PRDX3: variants seen among roughly 807,000 people sequenced by gnomAD.
PRDX3 encodes the protein peroxiredoxin 3.
Under a neutral mutation model 30.4 loss-of-function variants are expected in PRDX3, and 20 were observed. The observed-to-expected ratio is 0.66, with a 90% CI of 0.46 to 0.96. PRDX3 has a LOEUF of 0.96. Ranked by LOEUF, PRDX3 falls within the 40% of genes least tolerant of loss-of-function variation. The pLI is 0.00. For synonymous variants in PRDX3, 124 were observed against 117.8 expected (o/e 1.05, Z -0.34); for missense variants, 322 against 318.3 (o/e 1.01, Z -0.09).
intron 4 of PRDX3, among the ~76,000 whole-genome samples, chr10:119,172,894 T>C (rs1398332841): frequency 1.3e-5 from 2 of 152,156 alleles, no homozygotes; most frequent in Non-Finnish European, 2.9e-5. Context: ...GTCTCCTGAG[T>C]AGCTGGGACT....
chr10:119,169,374 A>C lies in PRDX3; in HGVS notation c.552-32T>G. On this transcript the variant is annotated intron_variant, in intron 5 of 6. Transcript: ENST00000298510. ...GATCATTTATCCTCATCAGTGCCTC[A>C]ACAGTACCAGAACTAGAACAGTCTA... 1.9e-6 allele frequency: 3 copies of C among 1,592,714 alleles called. No homozygotes were observed. In the South Asian group the frequency reaches 3.3e-5, roughly 18 times the overall value.
rs1218530366 is a variant in PRDX3 at position 119,168,684 on chromosome 10, TGCCTGTCTCTAG to T, written c.718-163_718-152del. On this transcript the variant is annotated intron_variant, in intron 6 of 6. Coordinates refer to ENST00000298510, the MANE Select transcript of PRDX3 (RefSeq NM_006793.5). ...TAAAGATGAAAGTTTCATTAAGGCCTGCCTGTCTCTAGGCCGGGCACGGTGGCTCACGCCGGT... is the reference window on the plus strand; with the variant it reads ...TAAAGATGAAAGTTTCATTAAGGCCTGCCGGGCACGGTGGCTCACGCCGGT... 1.0e-5 allele frequency: 15 copies of T among 1,439,870 alleles called. No individual in the cohort carries two copies. The Admixed American group carries it at 4.0e-4, about 39-fold the overall frequency. The allele number at this position is 1,439,870 out of a possible 1,614,324, so 89.2% of individuals were successfully genotyped here. A position where few individuals can be genotyped will look rare whatever the true frequency, so the allele number is the denominator to read the frequency against.
chr10:119,177,433 G>A (rs968721194), intron 1 of PRDX3, among the ~76,000 whole-genome samples: 2 of 152,104 alleles, frequency 1.3e-5, no homozygotes, highest in East Asian at 3.9e-4. Flanking sequence ...GCCAAGACGG[G>A]TTGATCACCA....
In PRDX3 at chr10:119,174,603, AC is replaced by A; in HGVS notation, c.170-12del. On this transcript the variant is annotated splice_polypyrimidine_tract_variant and intron_variant, in intron 2 of 6. Transcript: ENST00000298510. The stretch of plus-strand genomic sequence containing the variant: ...CATGGCATGAGGAACCTGAAAAAAA[AC>A]CCACACTCATATGGAGTTCATCATT... The A allele has an allele frequency of 6.3e-7, 1 of 1,578,214 alleles. No homozygotes were observed. The highest frequency in any genetic ancestry group is 8.6e-7 in the Non-Finnish European group (1 of 1,168,742).
In PRDX3 at chr10:119,167,896, G is replaced by C. The variant is rs1217282367; in HGVS notation, c.*584C>G. ...AGCTAATGAATAAAATAAGTAAAAT[G>C]ACTACATAAACTCAATTTCAGGGAT... On this transcript the variant is annotated 3_prime_UTR_variant, in exon 7 of 7. Transcript: ENST00000298510. 2.6e-5 allele frequency: 4 copies of C among 152,100 alleles called. No individual in the cohort carries two copies. Among genetic ancestry groups the C allele is most frequent in the East Asian group, 1.9e-4 (1 of 5,188 alleles). 9.4% of individuals were successfully genotyped at this position (152,100 alleles called of 1,614,324 possible).
chr10:119,178,641 C>T, intron 1 of PRDX3, 114 bp downstream of exon 1: 1 of 1,327,100 alleles, frequency 7.5e-7, no homozygotes, highest in Non-Finnish European at 1.1e-6. Context: ...CCCGCGGAAA[C>T]CCTCCAAGAA....
In PRDX3 at chr10:119,172,450, C is replaced by T. The variant is rs1270755277; in HGVS notation, c.483G>A (p.Leu161=). The T allele has an allele frequency of 1.2e-6, 2 of 1,614,176 alleles. No homozygotes were observed. The highest frequency in any genetic ancestry group is 1.7e-6 in the Non-Finnish European group (2 of 1,180,006). ...GGLGHMNIAL[L]SDLTKQISRD... is the part of the protein sequence containing the mutation. Reference sequence around the variant, plus strand: ...GGGAAATCTGCTTAGTTAAGTCTGACAAGAGTGCGATGTTCATGTGGCCCA... The same window carrying T: ...GGGAAATCTGCTTAGTTAAGTCTGATAAGAGTGCGATGTTCATGTGGCCCA... Residue 161 remains leucine, a synonymous_variant, in exon 5 of 7, where the codon TTG becomes TTA. Transcript: ENST00000298510.
chr10:119,178,755 C>G lies in PRDX3; in HGVS notation c.36G>C (p.Ser12=). The G allele has an allele frequency of 6.4e-7, 1 of 1,552,142 alleles. No homozygotes were observed. The highest frequency in any genetic ancestry group is 8.7e-7 in the Non-Finnish European group (1 of 1,147,766). ...AAAVGRLLRA[S]VARHVSAIPW... ...CTGTCCCCAGCCGACAGCCACTCAC[C>G]GACGCTCGGAGCAACCGTCCTACAG... The change falls in exon 1 of 7, where the codon TCG becomes TCC. Residue 12 remains serine, a splice_region_variant and synonymous_variant. Coordinates refer to ENST00000298510, the MANE Select transcript of PRDX3 (RefSeq NM_006793.5).
At chr10:119,170,258 A>T (rs1847873003) in intron 5 of PRDX3, 1 of 152,244 alleles carries the variant, frequency 6.6e-6, no homozygotes, top group Non-Finnish European at 1.5e-5. Flanking sequence ...CTCAGGATAA[A>T]AGATGCTTCT....
intron 4 of PRDX3, 81 bp downstream of exon 4, chr10:119,173,656 G>A: frequency 7.0e-7 from 1 of 1,432,088 alleles, no homozygotes; most frequent in Non-Finnish European, 9.5e-7. Context: ...ATTTGATCTT[G>A]ATAGTCCAGC....
intron 3 of PRDX3, 126 bp from the exon 4 acceptor site, chr10:119,173,998 G>A: frequency 2.3e-6 from 2 of 888,248 alleles, no homozygotes; most frequent in Non-Finnish European, 3.3e-6. Context: ...ATCCTCACTG[G>A]ACTATAGTGT....
chr10:119,173,759 G>A lies in PRDX3; in HGVS notation c.425C>T (p.Ala142Val). The change falls in exon 4 of 7, where the codon GCC becomes GTC. Residue 142 changes from alanine to valine, a missense_variant. Coordinates refer to ENST00000298510, the MANE Select transcript of PRDX3 (RefSeq NM_006793.5). ...VSVDSHFSHL[A>V]WINTPRKNGG... ...TACCTTTCTTGGTGTATTTATCCAG[G>A]CAAGATGGCTAAAGTGGGAATCCAC... The A allele has an allele frequency of 1.2e-6, 2 of 1,612,110 alleles. No individual in the cohort carries two copies. The highest frequency in any genetic ancestry group is 2.2e-5 in the East Asian group (1 of 44,870).
Position 119,178,652 on chromosome 10 carries a change from G to A in PRDX3, c.36+103C>T, listed in dbSNP as rs35196296. The A allele has an allele frequency of 2.3e-3, 3,257 of 1,391,512 alleles. 66 individuals carry two copies. The African/African-American group carries it at 0.041, about 17-fold the overall frequency. The allele number at this position is 1,391,512 out of a possible 1,614,324, so 86.2% of individuals were successfully genotyped here. On this transcript the variant is annotated intron_variant, in intron 1 of 6. Transcript: ENST00000298510. Reference sequence around the variant, plus strand: ...GTTACCCGCGGAAACCCTCCAAGAAGGGCGAATGGCCCTCATGCCCAGAAG... The same window carrying A: ...GTTACCCGCGGAAACCCTCCAAGAAAGGCGAATGGCCCTCATGCCCAGAAG...
chr10:119,172,337 TA>T lies in PRDX3; in HGVS notation c.551+44del, dbSNP rs35455129. 462 of 1,481,346 alleles carry T rather than the reference TA, an allele frequency of 3.1e-4. 3 individuals carry two copies. In the East Asian group the frequency reaches 0.01, roughly 33 times the overall value. The allele number at this position is 1,481,346 out of a possible 1,614,324, so 91.8% of individuals were successfully genotyped here. On this transcript the variant is annotated intron_variant, in intron 5 of 6. Coordinates refer to ENST00000298510, the MANE Select transcript of PRDX3 (RefSeq NM_006793.5). ...AATCCCCTAAGAAGCAGAATGATAC[TA>T]AACATGAAAAATAATCTTAAGTTCA...
At chr10:119,175,831 T>C (rs1259345916) in intron 2 of PRDX3, among the ~76,000 whole-genome samples, 1 of 147,896 alleles carries the variant, frequency 6.8e-6, no homozygotes, top group Admixed American at 6.8e-5. Context: ...TAGGCTGGAG[T>C]GTAGTGGCAT....
At chr10:119,176,557 C>G (rs1034657374) in intron 2 of PRDX3, among the ~76,000 whole-genome samples, 2 of 152,168 alleles carry the variant, frequency 1.3e-5, no homozygotes, top group African/African-American at 4.8e-5. Flanking sequence ...CAAGAAACAG[C>G]TAAATTTCGC....
In PRDX3 at chr10:119,174,448, T is replaced by G. The variant is rs2133660361; in HGVS notation, c.311+3A>C. 1.3e-6 allele frequency: 2 copies of G among 1,593,356 alleles called. No homozygotes were observed. Among genetic ancestry groups the G allele is most frequent in the Non-Finnish European group, 1.7e-6 (2 of 1,174,456 alleles). On this transcript the variant is annotated splice_donor_region_variant and intron_variant, in intron 3 of 6. Coordinates refer to ENST00000298510, the MANE Select transcript of PRDX3 (RefSeq NM_006793.5). ...ACGAAAGCATCATAGAAATTACACT[T>G]ACAAATCCAAAGGATAGAAGAAAAG...
chr10:119,170,905 GAAA>G, intron 5 of PRDX3: 1 of 103,244 alleles, frequency 9.7e-6, no homozygotes, highest in Non-Finnish European at 2.1e-5. Flanking sequence ...GAAAAGAAAA[GAAA>G]AAAAAAAAAA....
At chr10:119,174,270 A>C (rs962739277) in intron 3 of PRDX3, among the ~76,000 whole-genome samples, 181 bp downstream of exon 3, 6 of 152,184 alleles carry the variant, frequency 3.9e-5, no homozygotes, top group Non-Finnish European at 7.3e-5. Flanking sequence ...CCCACCCCCG[A>C]AGTTTATCAC....
Sources: gnomAD v4.1 joint callset for allele counts (sites outside exome capture counted in the v4.1 genomes callset) on GRCh38, gnomAD v4.1.1 for gene constraint, MANE v1.5 for transcripts, NCBI Gene and HGNC (gene_info 2026-07-23, HGNC 2026-07-21) for gene names.